Variants in PSAT1 observed in about 807,000 individuals in gnomAD.
The protein encoded by PSAT1 is phosphoserine aminotransferase 1.
A neutral mutation model predicts 40.3 loss-of-function variants in PSAT1; 41 were observed. The observed-to-expected ratio is 1.02, with a 90% CI of 0.79 to 1.32. PSAT1 has a LOEUF of 1.32. Among genes scored for constraint, PSAT1 ranks in the 40% most tolerant of loss-of-function variants. The pLI is 0.00. For missense variants in PSAT1, 406 were observed against 455.8 expected (o/e 0.89, Z 0.99); for synonymous variants, 147 against 170.5 (o/e 0.86, Z 1.07).
chr9:78,298,954 G>A (rs1343153229), intron 1 of PSAT1, among the ~76,000 whole-genome samples: 1 of 151,850 alleles, frequency 6.6e-6, no homozygotes, highest in African/African-American at 2.4e-5. Flanking sequence ...ATTCTATCCT[G>A]CTCTAGTCTG....
chr9:78,297,434 G>A (rs986663934), intron 1 of PSAT1, among the ~76,000 whole-genome samples, 164 bp downstream of exon 1: 1 of 152,246 alleles, frequency 6.6e-6, no homozygotes, highest in African/African-American at 2.4e-5. Context: ...CCGGCAAGCG[G>A]GCTTCGGGAA....
intron 6 of PSAT1, among the ~76,000 whole-genome samples, chr9:78,314,718 C>T (rs770991766): frequency 3.9e-5 from 6 of 152,062 alleles, no homozygotes; most frequent in African/African-American, 9.7e-5. Flanking sequence ...AGATCATGGG[C>T]GGCGAGTGTG....
chr9:78,328,084 G>A lies in PSAT1; in HGVS notation c.903G>A (p.Met301Ile). 1 of 1,611,502 alleles carries A rather than the reference G, an allele frequency of 6.2e-7. No individual in the cohort carries two copies. The highest frequency in any genetic ancestry group is 8.5e-7 in the Non-Finnish European group (1 of 1,179,314). Residue 301 changes from methionine to isoleucine, a missense_variant, in exon 8 of 9, where the codon ATG becomes ATA. Met to Ile is a conservative substitution (Grantham distance 10, BLOSUM62 1). Transcript: ENST00000376588. ...CPVEPQNRSK[M>I]NIPFRIGNAK... The stretch of plus-strand genomic sequence containing the variant: ...TGGAGCCCCAAAATAGAAGCAAGAT[G>A]AATATTCCATTCCGCATTGGCAATG...
At chr9:78,302,047 A>AT in intron 3 of PSAT1, 24 bp downstream of exon 3, 1 of 1,539,834 alleles carries the variant, frequency 6.5e-7, no homozygotes, top group Non-Finnish European at 9.0e-7. Flanking sequence ...AGACCAAATC[A>AT]TGTTACTTTT....
At chr9:78,298,032 G>A (rs1828052907) in intron 1 of PSAT1, among the ~76,000 whole-genome samples, 1 of 151,624 alleles carries the variant, frequency 6.6e-6, no homozygotes, top group South Asian at 2.1e-4. Flanking sequence ...TAGACTTTGG[G>A]CTGCTTAACC....
At chr9:78,318,431 G>A (rs1383404271) in intron 7 of PSAT1, among the ~76,000 whole-genome samples, 2 of 152,178 alleles carry the variant, frequency 1.3e-5, no homozygotes, top group African/African-American at 2.4e-5. Context: ...TCCTGGGGCT[G>A]GTGTAACAAA....
Position 78,309,606 on chromosome 9 carries a change from G to T in PSAT1, c.740+1023G>T, listed in dbSNP as rs1006338363. On this transcript the variant is annotated intron_variant, in intron 6 of 8. Coordinates refer to ENST00000376588, the MANE Select transcript of PSAT1 (RefSeq NM_058179.4). ...TTGAACTCCTGACCTCAGGTTATCCGCCGGCTTTGGCCTTCTAAAGCGTTG... is the reference window on the plus strand; with the variant it reads ...TTGAACTCCTGACCTCAGGTTATCCTCCGGCTTTGGCCTTCTAAAGCGTTG... 2.6e-5 allele frequency among the ~76,000 whole-genome samples: 4 copies of T among 152,188 alleles called. No individual in the cohort carries two copies. The East Asian group carries it at 5.8e-4, about 22-fold the overall frequency.
At chr9:78,328,905 C>G in intron 8 of PSAT1, 76 bp from the exon 9 acceptor site, 1 of 1,141,008 alleles carries the variant, frequency 8.8e-7, no homozygotes, top group Non-Finnish European at 1.3e-6. Flanking sequence ...TCTCAGGAGC[C>G]AGTGGCTAGA....
chr9:78,327,735 A>G (rs913120564), intron 7 of PSAT1, among the ~76,000 whole-genome samples: 1 of 152,166 alleles, frequency 6.6e-6, no homozygotes, highest in Non-Finnish European at 1.5e-5. Flanking sequence ...GAAGCTTCAT[A>G]TATGTAGTAC....
intron 5 of PSAT1, among the ~76,000 whole-genome samples, chr9:78,308,118 G>A (rs551985578): frequency 1.1e-4 from 16 of 152,140 alleles, no homozygotes; most frequent in South Asian, 4.1e-4. Flanking sequence ...TTCTACTTTG[G>A]GGGTAGAAAG....
At chr9:78,316,411 T>C (rs1828345220) in intron 6 of PSAT1, among the ~76,000 whole-genome samples, 1 of 152,178 alleles carries the variant, frequency 6.6e-6, no homozygotes, top group Non-Finnish European at 1.5e-5. Flanking sequence ...CAGATGGGCC[T>C]TCTTCAGATG....
intron 7 of PSAT1, among the ~76,000 whole-genome samples, chr9:78,326,956 T>TATATATA (rs1491277712): frequency 1.0e-4 from 6 of 59,186 alleles, no homozygotes; most frequent in East Asian, 1.2e-3. Flanking sequence ...TATATATATA[T>TATATATA]TTTTTTTTTT....
chr9:78,301,975 A>G lies in PSAT1; in HGVS notation c.143A>G (p.Asp48Gly). ...SVLEMSHRSS[D>G]FAKIINNTEN... is the part of the protein sequence containing the mutation. The stretch of plus-strand genomic sequence containing the variant: ...ACAGAAATGAGTCACAGGTCATCAG[A>G]TTTTGCCAAGATTATTAACAATACA... Residue 48 changes from aspartate to glycine, a missense_variant, in exon 3 of 9, where the codon GAT becomes GGT. Coordinates refer to ENST00000376588, the MANE Select transcript of PSAT1 (RefSeq NM_058179.4). The G allele has an allele frequency of 1.9e-6, 3 of 1,611,582 alleles. No homozygotes were observed. Among genetic ancestry groups the G allele is most frequent in the Non-Finnish European group, 2.5e-6 (3 of 1,177,858 alleles).
intron 8 of PSAT1, among the ~76,000 whole-genome samples, chr9:78,328,684 C>T (rs565115738): frequency 3.3e-5 from 5 of 152,336 alleles, no homozygotes; most frequent in East Asian, 3.9e-4. Flanking sequence ...TGAACAGAAT[C>T]GCTATCTTCT....
At chr9:78,306,137 T>C (rs996906339) in intron 4 of PSAT1, among the ~76,000 whole-genome samples, 177 bp from the exon 5 acceptor site, 3 of 152,202 alleles carry the variant, frequency 2.0e-5, no homozygotes, top group Non-Finnish European at 2.9e-5. Context: ...CTCAGGATGT[T>C]GATAACGATG....
At chr9:78,320,815 G>A (rs1225565966) in intron 7 of PSAT1, among the ~76,000 whole-genome samples, 1 of 152,154 alleles carries the variant, frequency 6.6e-6, no homozygotes, top group Non-Finnish European at 1.5e-5. Context: ...GAACCTGAAT[G>A]TGAGTAAAAG....
intron 4 of PSAT1, among the ~76,000 whole-genome samples, chr9:78,305,573 G>C (rs78336218): frequency 0.016 from 2,393 of 152,276 alleles, 69 homozygotes; most frequent in African/African-American, 0.055. Context: ...AGAAAAAGCT[G>C]TCCCTTTCTT....
rs188902357 is a variant in PSAT1, at chr9:78,299,718, G to C, written c.61-884G>C. On this transcript the variant is annotated intron_variant, in intron 1 of 8. Coordinates refer to ENST00000376588, the MANE Select transcript of PSAT1 (RefSeq NM_058179.4). ...AGTAGAGACGGGGTTTCACCATGTT[G>C]GCCAAGATGGTCTCAATCTCTTGAC... Among the ~76,000 whole-genome samples, 498 of 151,874 alleles carry C rather than the reference G, an allele frequency of 3.3e-3. 4 individuals carry two copies. Among genetic ancestry groups the C allele is most frequent in the African/African-American group, 0.011 (474 of 41,418 alleles).
intron 7 of PSAT1, among the ~76,000 whole-genome samples, chr9:78,323,529 GA>G (rs1402400907): frequency 1.3e-5 from 2 of 152,144 alleles, no homozygotes; most frequent in African/African-American, 4.8e-5. Context: ...GCAGTAAGCT[GA>G]GATTGGACCA....
Sources: gnomAD v4.1 joint callset for allele counts (sites outside exome capture counted in the v4.1 genomes callset) on GRCh38, gnomAD v4.1.1 for gene constraint, MANE v1.5 for transcripts, NCBI Gene and HGNC (gene_info 2026-07-23, HGNC 2026-07-21) for gene names.